Variants in PALLD observed in about 807,000 individuals in gnomAD.
The protein encoded by PALLD is palladin.
PALLD carries 61 observed loss-of-function variants against 123.5 expected under a neutral mutation model. That is an observed-to-expected ratio of 0.49 (90% confidence interval 0.40 to 0.61). PALLD has a LOEUF of 0.61. Among genes scored for constraint, PALLD ranks in the 20% least tolerant of loss-of-function variants. The pLI, the probability that PALLD is intolerant of heterozygous loss-of-function variation, is 0.00. For missense variants in PALLD, 1,273 were observed against 1,377.0 expected, an observed-to-expected ratio of 0.92 and a Z score of 1.20; for synonymous variants, 465 against 496.4, an observed-to-expected ratio of 0.94 and a Z score of 0.84.
rs142058709 is a variant in PALLD at position 168,780,354 on chromosome 4, A to C, written c.1964+68431A>C. On this transcript the variant is annotated intron_variant, in intron 10 of 21. Coordinates refer to ENST00000505667, the MANE Select transcript of PALLD (RefSeq NM_001166108.2). ...CACACAGCTGCCCCTTGGCAATAAG[A>C]TGCAGTCCCTGACTAATGCAGCATT... 2.1e-3 allele frequency among the ~76,000 whole-genome samples: 321 copies of C among 152,332 alleles called. 1 individual carries two copies. Among genetic ancestry groups the C allele is most frequent in the African/African-American group, 7.2e-3 (298 of 41,574 alleles).
At position 168,527,960 on chromosome 4, in the gene PALLD, C is replaced by T. The variant is rs182041091; in HGVS notation, c.908+15548C>T. On this transcript the variant is annotated intron_variant, in intron 2 of 21. Coordinates refer to ENST00000505667, the MANE Select transcript of PALLD (RefSeq NM_001166108.2). ...CTTCCCTGTGTTCAGGAAAGTGCATCCACCTTCTGTTCCTTTAGGGTTAAG... is the reference window on the plus strand; with the variant it reads ...CTTCCCTGTGTTCAGGAAAGTGCATTCACCTTCTGTTCCTTTAGGGTTAAG... 3.3e-5 allele frequency among the ~76,000 whole-genome samples: 5 copies of T among 152,338 alleles called. No individual in the cohort carries two copies. The East Asian group carries it at 9.6e-4, about 29-fold the overall frequency.
chr4:168,660,256 G>T (rs1475608814), intron 2 of PALLD, among the ~76,000 whole-genome samples: 3 of 152,086 alleles, frequency 2.0e-5, no homozygotes, highest in Non-Finnish European at 2.9e-5. Context: ...CAGCCATTTG[G>T]TCTGAAGCAG....
intron 10 of PALLD, among the ~76,000 whole-genome samples, chr4:168,714,368 G>A (rs1448025953): frequency 6.6e-6 from 1 of 152,042 alleles, no homozygotes; most frequent in Admixed American, 6.5e-5. Context: ...CCTCTCAAAG[G>A]TGTGATATTC....
At chr4:168,714,483 A>G (rs865825651) in intron 10 of PALLD, among the ~76,000 whole-genome samples, 97 of 152,378 alleles carry the variant, frequency 6.4e-4, no homozygotes, top group Middle Eastern at 6.8e-3. Context: ...AATGTAGAAC[A>G]GCATCTGAGT....
At chr4:168,762,546 G>T (rs1340725543) in intron 10 of PALLD, among the ~76,000 whole-genome samples, 1 of 152,206 alleles carries the variant, frequency 6.6e-6, no homozygotes, top group African/African-American at 2.4e-5. Flanking sequence ...AGAGGATGTG[G>T]AGAAATAGGA....
At chr4:168,788,390 A>G (rs567996756) in intron 10 of PALLD, among the ~76,000 whole-genome samples, 2 of 152,358 alleles carry the variant, frequency 1.3e-5, no homozygotes, top group East Asian at 3.9e-4. Context: ...TGCATGCTGT[A>G]TAATTCTAAC....
intron 10 of PALLD, among the ~76,000 whole-genome samples, chr4:168,878,858 C>G (rs1036593268): frequency 6.6e-6 from 1 of 152,134 alleles, no homozygotes; most frequent in Non-Finnish European, 1.5e-5. Context: ...AGACACGAAT[C>G]CATGCTCTCA....
At chr4:168,795,846 C>T (rs1448691342) in intron 10 of PALLD, among the ~76,000 whole-genome samples, 1 of 151,862 alleles carries the variant, frequency 6.6e-6, no homozygotes. Context: ...GTAGCTGTGA[C>T]CACAGGCAAG....
At chr4:168,632,795 G>A (rs1205496454) in intron 2 of PALLD, among the ~76,000 whole-genome samples, 1 of 152,180 alleles carries the variant, frequency 6.6e-6, no homozygotes, top group Admixed American at 6.5e-5. Flanking sequence ...ATTTAATCCA[G>A]AAGTAACCAG....
In PALLD at chr4:168,804,571, A is replaced by G. The variant is rs549872461; in HGVS notation, c.1965-86351A>G. ...TGCAAAAGTAAACAAATAGGCCCCC[A>G]TCAGCCCATCGGGGCAGCAGCCCTA... On this transcript the variant is annotated intron_variant, in intron 10 of 21. Transcript: ENST00000505667. 3.7e-3 allele frequency among the ~76,000 whole-genome samples: 568 copies of G among 152,334 alleles called. 2 individuals carry two copies. The highest frequency in any genetic ancestry group is 6.4e-3 in the Non-Finnish European group (433 of 68,022).
intron 10 of PALLD, among the ~76,000 whole-genome samples, chr4:168,854,564 G>T (rs953807095): frequency 6.6e-6 from 1 of 152,194 alleles, no homozygotes; most frequent in African/African-American, 2.4e-5. Context: ...CTGTGCTGAG[G>T]TCTCAAAGAG....
At chr4:168,887,612 A>G (rs563069207) in intron 10 of PALLD, among the ~76,000 whole-genome samples, 1 of 152,250 alleles carries the variant, frequency 6.6e-6, no homozygotes, top group Non-Finnish European at 1.5e-5. Flanking sequence ...GTGTGTTCCC[A>G]GTCCTTGCTG....
In PALLD at chr4:168,927,449, TAGTG is replaced by T. The variant is rs1433680247; in HGVS notation, c.*1270_*1273del. On this transcript the variant is annotated 3_prime_UTR_variant, in exon 22 of 22. Transcript: ENST00000505667. ...TGCAGTGTGTCTGAGGTTTGTGTAG[TAGTG>T]GAAGATTTTAGGTATGTAGAGCAAG... 2.6e-5 allele frequency: 6 copies of T among 232,706 alleles called. No individual in the cohort carries two copies. Among genetic ancestry groups the T allele is most frequent in the African/African-American group, 1.3e-4 (6 of 45,306 alleles). 14.4% of individuals were successfully genotyped at this position (232,706 alleles called of 1,614,324 possible). A position where few individuals can be genotyped will look rare whatever the true frequency, so the allele number is the denominator to read the frequency against.
At chr4:168,598,677 T>C in intron 2 of PALLD, 1 of 351,148 alleles carries the variant, frequency 2.8e-6, no homozygotes, top group South Asian at 2.5e-5. Context: ...TCATCTGCTG[T>C]AACTCTCTAG....
At chr4:168,857,425 A>C (rs775405728) in intron 10 of PALLD, among the ~76,000 whole-genome samples, 4 of 152,256 alleles carry the variant, frequency 2.6e-5, no homozygotes, top group African/African-American at 4.8e-5. Flanking sequence ...TCATGAGAAT[A>C]GTCCTTACGT....
intron 10 of PALLD, among the ~76,000 whole-genome samples, chr4:168,754,216 C>T (rs1731456626): frequency 6.6e-6 from 1 of 152,102 alleles, no homozygotes. Flanking sequence ...TAATCTATAC[C>T]TCAGGAGCCT....
intron 16 of PALLD, 111 bp downstream of exon 16, chr4:168,914,132 G>C (rs1235412539): frequency 2.7e-6 from 2 of 750,260 alleles, no homozygotes; most frequent in African/African-American, 1.7e-5. Flanking sequence ...CTGGAAGATA[G>C]AATAGGAATG....
At chr4:168,563,064 C>G (rs1768019519) in intron 2 of PALLD, among the ~76,000 whole-genome samples, 1 of 152,022 alleles carries the variant, frequency 6.6e-6, no homozygotes, top group Admixed American at 6.6e-5. Context: ...GAGTGGCGGA[C>G]AGAAGAATAA....
chr4:168,561,344 C>T (rs1767846136), intron 2 of PALLD, among the ~76,000 whole-genome samples: 1 of 152,174 alleles, frequency 6.6e-6, no homozygotes, highest in African/African-American at 2.4e-5. Context: ...TCACTGTAGC[C>T]TCCACGTTCT....
Sources: allele counts gnomAD v4.1 joint callset (sites outside exome capture counted in the v4.1 genomes callset), GRCh38; gene constraint gnomAD v4.1.1; transcripts MANE v1.5; gene names NCBI Gene and HGNC (gene_info 2026-07-23, HGNC 2026-07-21).